Variants in SLCO1B3 observed in about 807,000 individuals in gnomAD.
The protein encoded by SLCO1B3 is liver-specific organic anion transporter 2.
Under a neutral mutation model 71.8 loss-of-function variants are expected in SLCO1B3, and 72 were observed. The observed-to-expected ratio is 1.00, with a 90% confidence interval of 0.83 to 1.22. SLCO1B3 has a LOEUF of 1.22. Among genes scored for constraint, SLCO1B3 ranks in the 50% most tolerant of loss-of-function variants. SLCO1B3 has a pLI of 0.00. For missense variants in SLCO1B3, 911 were observed against 819.7 expected, an observed-to-expected ratio of 1.11 and a Z score of -1.36; for synonymous variants, 298 against 278.4, an observed-to-expected ratio of 1.07 and a Z score of -0.70.
intron 3 of SLCO1B3, among the ~76,000 whole-genome samples, chr12:20,820,239 T>C (rs1276789948): frequency 6.6e-6 from 1 of 152,126 alleles, no homozygotes; most frequent in Non-Finnish European, 1.5e-5. Context: ...CGTGATGGTC[T>C]ATGGGGCTTC....
intron 14 of SLCO1B3, among the ~76,000 whole-genome samples, chr12:20,901,048 C>G (rs1186662783): frequency 6.6e-6 from 1 of 152,040 alleles, no homozygotes; most frequent in Non-Finnish European, 1.5e-5. Flanking sequence ...CCCTTTTTAC[C>G]AATCAGACTT....
intron 3 of SLCO1B3, among the ~76,000 whole-genome samples, chr12:20,844,044 A>G (rs2121182781): frequency 6.6e-6 from 1 of 151,842 alleles, no homozygotes; most frequent in East Asian, 1.9e-4. Flanking sequence ...AACTTATTAT[A>G]CTCCTTTTAA....
chr12:20,906,296 G>A (rs764481209), intron 15 of SLCO1B3, among the ~76,000 whole-genome samples: 1 of 152,136 alleles, frequency 6.6e-6, no homozygotes, highest in Non-Finnish European at 1.5e-5. Flanking sequence ...TGTAGAAAAA[G>A]CAAAACAATG....
In SLCO1B3 at chr12:20,904,021, C is replaced by T. The variant is rs146489956; in HGVS notation, c.1865+2554C>T. Among the ~76,000 whole-genome samples the T allele has an allele frequency of 3.4e-3, 513 of 152,080 alleles. 6 individuals carry two copies. The highest frequency in any genetic ancestry group is 0.012 in the African/African-American group (487 of 41,510). ...TTGGGAGGCCAAGGTGGGTGGATCA[C>T]GAGGTCAGGAGATTGAGACCATCCT... is the stretch of plus-strand genomic sequence containing the variant. On this transcript the variant is annotated intron_variant, in intron 15 of 15. Transcript: ENST00000381545.
intron 3 of SLCO1B3, among the ~76,000 whole-genome samples, chr12:20,831,694 GT>G (rs1460038078): frequency 6.6e-6 from 1 of 152,078 alleles, no homozygotes; most frequent in Non-Finnish European, 1.5e-5. Flanking sequence ...TACTGTTTCA[GT>G]AAAAATAATT....
intron 13 of SLCO1B3, among the ~76,000 whole-genome samples, chr12:20,895,113 A>T (rs1207864227): frequency 6.6e-6 from 1 of 152,158 alleles, no homozygotes; most frequent in Non-Finnish European, 1.5e-5. Context: ...TCCCTCCAAC[A>T]ACACGTGGGA....
At chr12:20,843,912 A>G (rs1277006390) in intron 3 of SLCO1B3, among the ~76,000 whole-genome samples, 1 of 151,606 alleles carries the variant, frequency 6.6e-6, no homozygotes, top group African/African-American at 2.4e-5. Flanking sequence ...TTCTCCATAT[A>G]TATGTGTGTC....
chr12:20,833,888 AAT>A (rs1163890921), intron 3 of SLCO1B3, among the ~76,000 whole-genome samples: 2 of 100,678 alleles, frequency 2.0e-5, no homozygotes, highest in Non-Finnish European at 4.7e-5. Flanking sequence ...GTATGTATAC[AAT>A]ATATATATTC....
At position 20,853,450 on chromosome 12, in the gene SLCO1B3, A is replaced by T. The variant is rs11045563; in HGVS notation, c.85-1578A>T. Among the ~76,000 whole-genome samples, 173 of 152,058 alleles carry T rather than the reference A, an allele frequency of 1.1e-3. 3 individuals are homozygous for T. In the East Asian group the frequency reaches 0.028, roughly 25 times the overall value. On this transcript the variant is annotated intron_variant, in intron 3 of 15. Transcript: ENST00000381545. ...GATTTTTAAAATTGAATCATAATTCAATTTTAGTAGGTTGTATGTTTCTAG... is the reference window on the plus strand; with the variant it reads ...GATTTTTAAAATTGAATCATAATTCTATTTTAGTAGGTTGTATGTTTCTAG...
At chr12:20,855,445 G>A (rs904602914) in intron 4 of SLCO1B3, among the ~76,000 whole-genome samples, 2 of 150,588 alleles carry the variant, frequency 1.3e-5, no homozygotes, top group African/African-American at 4.8e-5. Context: ...AATGTCTATA[G>A]TGAGGATGTT....
intron 3 of SLCO1B3, among the ~76,000 whole-genome samples, chr12:20,841,244 T>C (rs1041117804): frequency 5.3e-5 from 8 of 152,280 alleles, no homozygotes; most frequent in African/African-American, 1.9e-4. Flanking sequence ...CCAAGAATCA[T>C]TGCTTTTTCA....
At chr12:20,831,048 AC>A (rs1432202293) in intron 3 of SLCO1B3, among the ~76,000 whole-genome samples, 1 of 150,818 alleles carries the variant, frequency 6.6e-6, no homozygotes, top group Non-Finnish European at 1.5e-5. Flanking sequence ...TATGTAAGGC[AC>A]ATTACCTGCA....
chr12:20,869,219 C>T (rs76155444), intron 8 of SLCO1B3, among the ~76,000 whole-genome samples: 6 of 152,260 alleles, frequency 3.9e-5, no homozygotes, highest in African/African-American at 1.4e-4. Flanking sequence ...GACTGTGGTC[C>T]GCCTGGCAAT....
intron 15 of SLCO1B3, chr12:20,901,868 A>C: frequency 2.3e-6 from 1 of 434,800 alleles, no homozygotes; most frequent in Non-Finnish European, 4.5e-6. Flanking sequence ...AAGAAATGGA[A>C]AAACAAAGTT....
intron 4 of SLCO1B3, among the ~76,000 whole-genome samples, chr12:20,855,922 G>A (rs1461047245): frequency 1.3e-5 from 2 of 151,456 alleles, no homozygotes; most frequent in Non-Finnish European, 2.9e-5. Context: ...CTATTATATA[G>A]ACTGCAAATA....
At chr12:20,845,803 C>T (rs188509852) in intron 3 of SLCO1B3, among the ~76,000 whole-genome samples, 3 of 152,202 alleles carry the variant, frequency 2.0e-5, no homozygotes, top group Non-Finnish European at 4.4e-5. Flanking sequence ...CTGTCTAGTG[C>T]GGTCAGTGAA....
intron 13 of SLCO1B3, among the ~76,000 whole-genome samples, chr12:20,886,720 T>G (rs1865798865): frequency 6.6e-6 from 1 of 152,024 alleles, no homozygotes. Context: ...TGTTTTAAAT[T>G]TTTTCATTTT....
chr12:20,855,686 C>G (rs943293303), intron 4 of SLCO1B3, among the ~76,000 whole-genome samples: 2 of 149,046 alleles, frequency 1.3e-5, no homozygotes, highest in African/African-American at 4.9e-5. Flanking sequence ...ATTGAAGATA[C>G]TGCTTTGATG....
intron 8 of SLCO1B3, among the ~76,000 whole-genome samples, chr12:20,867,743 C>T (rs1314582571): frequency 6.6e-6 from 1 of 152,158 alleles, no homozygotes; most frequent in Non-Finnish European, 1.5e-5. Context: ...CATATAGAAA[C>T]ATTTTCAGAG....
Sources: gnomAD v4.1 joint callset for allele counts (sites outside exome capture counted in the v4.1 genomes callset) on GRCh38, gnomAD v4.1.1 for gene constraint, MANE v1.5 for transcripts, NCBI Gene and HGNC (gene_info 2026-07-23, HGNC 2026-07-21) for gene names.